EVC: variants seen among roughly 807,000 people sequenced by gnomAD.
EVC encodes the protein EvC ciliary complex subunit 1, also known as evC complex member EVC.
Under a neutral mutation model 118.9 loss-of-function variants are expected in EVC, and 116 were observed. The ratio of observed to expected loss-of-function variants is 0.98; its 90% CI spans 0.84 to 1.14. The LOEUF (loss-of-function observed/expected upper bound fraction) is 1.14. EVC is among the 50% of genes most tolerant of loss of function. EVC has a pLI of 0.00. For missense variants in EVC, 1,401 were observed against 1,246.4 expected, an observed-to-expected ratio of 1.12 and a Z score of -1.87; for synonymous variants, 619 against 534.7, an observed-to-expected ratio of 1.16 and a Z score of -2.18.
In EVC at chr4:5,812,685, T is replaced by C. The variant is rs371788560; in HGVS notation, c.*1648T>C. 1.5e-3 allele frequency: 242 copies of C among 160,722 alleles called. 4 individuals are homozygous for C. The South Asian group carries it at 0.04, about 27-fold the overall frequency. 10.0% of individuals were successfully genotyped at this position (160,722 alleles called of 1,614,324 possible). A position where few individuals can be genotyped will look rare whatever the true frequency, so the allele number is the denominator to read the frequency against. On this transcript the variant is annotated 3_prime_UTR_variant, in exon 21 of 21. Coordinates refer to ENST00000264956, the MANE Select transcript of EVC (RefSeq NM_153717.3). ...TGATGGAGGTTAGGGACTGTCACCC[T>C]CAGCACTGTGAACATACCGGGCGAG... is the stretch of plus-strand genomic sequence containing the variant.
At chr4:5,753,217 G>A (rs1730660018) in intron 9 of EVC, among the ~76,000 whole-genome samples, 165 bp downstream of exon 9, 1 of 152,198 alleles carries the variant, frequency 6.6e-6, no homozygotes, top group South Asian at 2.1e-4. Context: ...TGCTCTCTGG[G>A]GCTCTCTTCC....
At chr4:5,821,947 A>G in the EVC span, 1 of 1,127,236 alleles carries the variant, frequency 8.9e-7, no homozygotes, top group East Asian at 2.6e-5. The surrounding 1 kb of genome is among the most constrained non-coding windows in gnomAD (Gnocchi z 4.4). Context: ...ACTCCACTGG[A>G]CCCACCTTCA....
chr4:5,780,930 A>C (rs2152276543), intron 11 of EVC, among the ~76,000 whole-genome samples: 1 of 152,372 alleles, frequency 6.6e-6, no homozygotes, highest in South Asian at 2.1e-4. Context: ...CCATGGAGTC[A>C]CACAGGATGC....
At chr4:5,809,289 C>T (rs1441565834) in intron 18 of EVC, among the ~76,000 whole-genome samples, 1 of 152,138 alleles carries the variant, frequency 6.6e-6, no homozygotes. Flanking sequence ...AACTGAAGAC[C>T]GACGGCCAGT....
rs756589627 is a variant in EVC at position 5,752,943 on chromosome 4, C to T, written c.1206C>T (p.His402=). 46 of 1,613,998 alleles carry T rather than the reference C, an allele frequency of 2.9e-5. No homozygotes were observed. Among genetic ancestry groups the T allele is most frequent in the African/African-American group, 5.3e-5 (4 of 74,948 alleles). Residue 402 remains histidine, a synonymous_variant, in exon 9 of 21, where the codon CAC becomes CAT. Transcript: ENST00000264956. ...ETRCRLAAIS[H]GLELLAGEGK... ...GGTGCCGGCTGGCTGCCATCTCCCA[C>T]GGCCTGGAGCTGCTGGCTGGTGAGG...
At chr4:5,773,221 G>GT (rs1314306880) in intron 11 of EVC, among the ~76,000 whole-genome samples, 3 of 152,166 alleles carry the variant, frequency 2.0e-5, no homozygotes, top group Admixed American at 1.3e-4. Context: ...TGCTGTCCAG[G>GT]TAACTATGAT....
chr4:5,797,281 G>C (rs747480676), intron 14 of EVC, 49 bp downstream of exon 14: 1 of 1,455,080 alleles, frequency 6.9e-7, no homozygotes, highest in Non-Finnish European at 9.5e-7. Context: ...CGGTGCCCCT[G>C]CAGCAGGCCC....
the EVC span, chr4:5,821,074 A>T: frequency 2.0e-5 from 3 of 152,284 alleles, no homozygotes; most frequent in South Asian, 6.2e-4. The surrounding 1 kb of genome is among the most constrained non-coding windows in gnomAD (Gnocchi z 4.4). Flanking sequence ...ACACACACAG[A>T]CCAGAAGACA....
the EVC span, chr4:5,828,568 A>T: frequency 2.5e-6 from 4 of 1,614,132 alleles, no homozygotes; most frequent in Non-Finnish European, 3.4e-6. Context: ...GCCCTTGTTG[A>T]CGTTGATGTT....
At position 5,811,311 on chromosome 4, in the gene EVC, C is replaced by G. The variant is rs758225073; in HGVS notation, c.*274C>G. On this transcript the variant is annotated 3_prime_UTR_variant, in exon 21 of 21. Transcript: ENST00000264956. ...GGCTCGATGCCTCATGGATCTTTCT[C>G]CCCAAGGAGGGACGTCTTGAGGGGT... 3 of 442,510 alleles carry G rather than the reference C, an allele frequency of 6.8e-6. No homozygotes were observed. The highest frequency in any genetic ancestry group is 1.3e-5 in the Non-Finnish European group (3 of 238,650). The allele number at this position is 442,510 out of a possible 1,614,324, so 27.4% of individuals were successfully genotyped here.
chr4:5,798,769 G>C lies in EVC; in HGVS notation c.2281G>C (p.Ala761Pro). 6.2e-7 allele frequency: 1 copy of C among 1,611,132 alleles called. No homozygotes were observed. Among genetic ancestry groups the C allele is most frequent in the Non-Finnish European group, 8.5e-7 (1 of 1,179,958 alleles). The change falls in exon 15 of 21, where the codon GCC (alanine) becomes CCC (proline). Residue 761 changes from alanine (A) to proline (P), a missense_variant. Ala to Pro is a conservative substitution (Grantham distance 27, BLOSUM62 -1). Transcript: ENST00000264956. This position sits in a 1 kb window ranked among gnomAD's most constrained non-coding sequence, Gnocchi z 4.1. ...HARNAATKSR[A>P]KDRDDFKRTL... ...ACGGAATGCAGCCACCAAGAGCCGG[G>C]CCAAGGACAGGGATGACTTCAAGGT...
At chr4:5,758,117 G>A (rs1317400195) in intron 11 of EVC, 1 of 702,280 alleles carries the variant, frequency 1.4e-6, no homozygotes. Context: ...AGGGAAGGAG[G>A]CTGTTTGAAG....
the EVC span, chr4:5,824,728 C>G: frequency 1.0e-6 from 1 of 985,118 alleles, no homozygotes; most frequent in Admixed American, 6.1e-5. Context: ...ATCCGGCCTT[C>G]TAAGAAAAAA....
intron 11 of EVC, among the ~76,000 whole-genome samples, chr4:5,771,734 T>C (rs1733995470): frequency 6.6e-6 from 1 of 152,168 alleles, no homozygotes; most frequent in African/African-American, 2.4e-5. Flanking sequence ...CAGGTGTCCA[T>C]GGGCGCTGCA....
intron 2 of EVC, among the ~76,000 whole-genome samples, chr4:5,723,524 C>T (rs74765541): frequency 6.6e-6 from 1 of 152,024 alleles, no homozygotes; most frequent in Non-Finnish European, 1.5e-5. Flanking sequence ...GTTTTGTATT[C>T]CCCCCTTGAA....
chr4:5,765,303 G>A lies in EVC; in HGVS notation c.1563+8941G>A, dbSNP rs1479998643. Among the ~76,000 whole-genome samples, 2 of 116,620 alleles carry A rather than the reference G, an allele frequency of 1.7e-5. 1 individual carries two copies. Among genetic ancestry groups the A allele is most frequent in the African/African-American group, 6.7e-5 (2 of 29,774 alleles). 76.5% of individuals were successfully genotyped at this position (116,620 alleles called of 152,430 possible). A position where few individuals can be genotyped will look rare whatever the true frequency, so the allele number is the denominator to read the frequency against. On this transcript the variant is annotated intron_variant, in intron 11 of 20. Coordinates refer to ENST00000264956, the MANE Select transcript of EVC (RefSeq NM_153717.3). ...TAAATTCTATTCTTTTACATTTGCTGAGGAGAGCATTACTTCCAAGTATGT... is the reference window on the plus strand; with the variant it reads ...TAAATTCTATTCTTTTACATTTGCTAAGGAGAGCATTACTTCCAAGTATGT...
At chr4:5,822,176 C>G in the EVC span, among the ~76,000 whole-genome samples, 1 of 152,352 alleles carries the variant, frequency 6.6e-6, no homozygotes, top group South Asian at 2.1e-4. Context: ...ACATTTGGTG[C>G]TTTAACATGT....
rs1470777580 is a variant in EVC at position 5,766,431 on chromosome 4, C to G, written c.1563+10069C>G. On this transcript the variant is annotated intron_variant, in intron 11 of 20. Coordinates refer to ENST00000264956, the MANE Select transcript of EVC (RefSeq NM_153717.3). ...ATCTTGGTGGCGTTCTCTGTATTTC[C>G]TGAATCTGAATGTTGGCCTGCCTTG... Among the ~76,000 whole-genome samples the G allele has an allele frequency of 1.7e-4, 23 of 131,464 alleles. 3 individuals carry two copies. The East Asian group carries it at 5.2e-3, about 30-fold the overall frequency. 86.2% of individuals were successfully genotyped at this position (131,464 alleles called of 152,430 possible). A position where few individuals can be genotyped will look rare whatever the true frequency, so the allele number is the denominator to read the frequency against.
rs1245016070 is a variant in EVC, at chr4:5,731,267, G to C, written c.385-158G>C. Among the ~76,000 whole-genome samples, 5 of 151,940 alleles carry C rather than the reference G, an allele frequency of 3.3e-5. No individual in the cohort carries two copies. The highest frequency in any genetic ancestry group is 4.8e-5 in the African/African-American group (2 of 41,328). On this transcript the variant is annotated intron_variant, in intron 3 of 20. Transcript: ENST00000264956. This position sits in a 1 kb window ranked among gnomAD's most constrained non-coding sequence, Gnocchi z 5.6. ...TGGGCTGTCGATGTGGCAGAACCTG[G>C]GACGGAAACTCTGTGGTGTCTGCTG...
Sources: gnomAD v4.1 joint callset for allele counts (sites outside exome capture counted in the v4.1 genomes callset) on GRCh38, gnomAD v4.1.1 for gene constraint, Gnocchi (gnomAD v3.1) non-coding constraint, MANE v1.5 for transcripts, NCBI Gene and HGNC (gene_info 2026-07-23, HGNC 2026-07-21) for gene names.